GAD2: variants seen among roughly 807,000 people sequenced by gnomAD.
The protein encoded by GAD2 is 65 kDa glutamic acid decarboxylase.
Under a neutral mutation model 80.1 loss-of-function variants are expected in GAD2, and 22 were observed. The ratio of observed to expected loss-of-function variants is 0.27; its 90% CI spans 0.20 to 0.39. GAD2 has a LOEUF of 0.39. Among genes scored for constraint, GAD2 ranks in the 10% least tolerant of loss-of-function variants. The pLI, the probability that GAD2 is intolerant of heterozygous loss-of-function variation, is 1.00. For missense variants in GAD2, 624 were observed against 738.4 expected (o/e 0.85, Z 1.80); for synonymous variants, 274 against 256.9 (o/e 1.07, Z -0.64).
chr10:26,219,302 G>A (rs1844424679), intron 4 of GAD2, 26 bp downstream of exon 4: 1 of 1,350,934 alleles, frequency 7.4e-7, no homozygotes, highest in African/African-American at 1.5e-5. Context: ...AAATAATAAA[G>A]CTCTTTTTTC....
At chr10:26,270,273 C>T (rs1293284180) in intron 9 of GAD2, among the ~76,000 whole-genome samples, 4 of 152,114 alleles carry the variant, frequency 2.6e-5, no homozygotes, top group African/African-American at 9.7e-5. Flanking sequence ...AGTTCAGAGG[C>T]CTCGTTGTGA....
chr10:26,251,517 G>A (rs562730277), intron 8 of GAD2, among the ~76,000 whole-genome samples: 36 of 152,320 alleles, frequency 2.4e-4, no homozygotes, highest in African/African-American at 8.7e-4. Flanking sequence ...AAAACAATCC[G>A]ACAATGGGAT....
chr10:26,230,218 T>G (rs1589138305), intron 7 of GAD2, among the ~76,000 whole-genome samples: 1 of 152,146 alleles, frequency 6.6e-6, no homozygotes, highest in Non-Finnish European at 1.5e-5. Context: ...ACCCTTCGCT[T>G]CTGCGCAATC....
At chr10:26,223,470 A>T (rs1844479114) in intron 4 of GAD2, among the ~76,000 whole-genome samples, 1 of 152,214 alleles carries the variant, frequency 6.6e-6, no homozygotes, top group African/African-American at 2.4e-5. Flanking sequence ...GACTTCTAGC[A>T]GCATGAGTAT....
intron 13 of GAD2, among the ~76,000 whole-genome samples, chr10:26,290,123 G>T (rs1168745264): frequency 6.6e-6 from 1 of 152,006 alleles, no homozygotes; most frequent in Admixed American, 6.6e-5. Context: ...TGGACATCTG[G>T]CATCCTTTGC....
chr10:26,255,083 G>A (rs530703901), intron 8 of GAD2, among the ~76,000 whole-genome samples: 1 of 152,316 alleles, frequency 6.6e-6, no homozygotes, highest in East Asian at 1.9e-4. Flanking sequence ...TAGGGAGGCC[G>A]TGCAGAAGGT....
Position 26,301,161 on chromosome 10 carries a change from C to A in GAD2, c.*200C>A. Reference sequence around the variant, plus strand: ...AGTTTAGAATACCTCTCTAAGAATTCGTGACAAAAGGCTATGTTCTAATCA... The same window carrying A: ...AGTTTAGAATACCTCTCTAAGAATTAGTGACAAAAGGCTATGTTCTAATCA... On this transcript the variant is annotated 3_prime_UTR_variant, in exon 16 of 16. Coordinates refer to ENST00000376261, the MANE Select transcript of GAD2 (RefSeq NM_001134366.2). The A allele has an allele frequency of 1.9e-6, 1 of 539,158 alleles. No homozygotes were observed. Among genetic ancestry groups the A allele is most frequent in the Non-Finnish European group, 3.3e-6 (1 of 301,914 alleles). The allele number at this position is 539,158 out of a possible 1,614,324, so 33.4% of individuals were successfully genotyped here.
chr10:26,222,924 A>G (rs1844471361), intron 4 of GAD2, among the ~76,000 whole-genome samples: 1 of 152,238 alleles, frequency 6.6e-6, no homozygotes, highest in Admixed American at 6.5e-5. Context: ...TATTTCCACA[A>G]TGGCCCATCT....
At chr10:26,281,315 C>T (rs1845268101) in intron 12 of GAD2, among the ~76,000 whole-genome samples, 1 of 152,160 alleles carries the variant, frequency 6.6e-6, no homozygotes, top group African/African-American at 2.4e-5. Context: ...TTGACCTAAT[C>T]TCCATGTTTT....
chr10:26,220,576 C>A (rs183191762), intron 4 of GAD2, among the ~76,000 whole-genome samples: 1 of 152,102 alleles, frequency 6.6e-6, no homozygotes, highest in African/African-American at 2.4e-5. Flanking sequence ...GAAGAACCCA[C>A]GTGATGTTTA....
chr10:26,218,551 T>TCTCTCACACACACACACA (rs748110324), intron 3 of GAD2, among the ~76,000 whole-genome samples: 10 of 118,860 alleles, frequency 8.4e-5, no homozygotes, highest in Non-Finnish European at 1.2e-4. Context: ...TCTCTCTCTC[T>TCTCTCACACACACACACA]CACACACACA....
At chr10:26,281,115 G>A in intron 12 of GAD2, 28 bp downstream of exon 12, 1 of 1,518,050 alleles carries the variant, frequency 6.6e-7, no homozygotes, top group Non-Finnish European at 9.1e-7. Context: ...CTGTGTCCCA[G>A]TCCGTGCGTG....
chr10:26,299,007 T>A (rs1448629240), intron 15 of GAD2, among the ~76,000 whole-genome samples: 1 of 152,108 alleles, frequency 6.6e-6, no homozygotes, highest in Non-Finnish European at 1.5e-5. Flanking sequence ...AGAGAAACAT[T>A]CCTCCCCATG....
chr10:26,277,142 G>A (rs867743638), intron 11 of GAD2, among the ~76,000 whole-genome samples: 33 of 152,324 alleles, frequency 2.2e-4, no homozygotes, highest in African/African-American at 7.7e-4. Flanking sequence ...CAGCATCATA[G>A]CATACAGGGT....
At chr10:26,293,344 A>G (rs1834240128) in intron 15 of GAD2, among the ~76,000 whole-genome samples, 1 of 151,370 alleles carries the variant, frequency 6.6e-6, no homozygotes, top group South Asian at 2.1e-4. Flanking sequence ...CGCCCAGACA[A>G]TTTTTGTATT....
At chr10:26,275,941 G>A (rs139148131) in intron 11 of GAD2, among the ~76,000 whole-genome samples, 1 of 152,216 alleles carries the variant, frequency 6.6e-6, no homozygotes, top group African/African-American at 2.4e-5. Context: ...GATCATTGAG[G>A]CCAGTTCAAG....
At chr10:26,227,819 C>T (rs1844548640) in intron 6 of GAD2, among the ~76,000 whole-genome samples, 1 of 152,228 alleles carries the variant, frequency 6.6e-6, no homozygotes, top group Non-Finnish European at 1.5e-5. Flanking sequence ...GCCAGCCTTT[C>T]ACACCGGGTG....
chr10:26,283,784 G>A (rs1034276210), intron 12 of GAD2, among the ~76,000 whole-genome samples: 2 of 152,188 alleles, frequency 1.3e-5, no homozygotes, highest in African/African-American at 4.8e-5. Context: ...GAGGATGGCA[G>A]CCTTCACCAT....
chr10:26,220,907 T>C (rs1844445191), intron 4 of GAD2, among the ~76,000 whole-genome samples: 1 of 152,178 alleles, frequency 6.6e-6, no homozygotes, highest in Non-Finnish European at 1.5e-5. Context: ...ATGGGCTAAT[T>C]CAATACTTAC....
Sources: allele counts gnomAD v4.1 joint callset (sites outside exome capture counted in the v4.1 genomes callset), GRCh38; gene constraint gnomAD v4.1.1; transcripts MANE v1.5; gene names NCBI Gene and HGNC (gene_info 2026-07-23, HGNC 2026-07-21).